Variants in CUX1 observed in about 807,000 individuals in gnomAD.
CUX1 encodes cut like homeobox 1, also known as protein CASP.
In CUX1, 31 loss-of-function variants were observed where a neutral mutation model predicts 158.8. That is an observed-to-expected ratio of 0.20 (90% CI 0.15 to 0.26). The LOEUF is 0.26. CUX1 is among the 10% of genes least tolerant of loss of function. The probability of loss-of-function intolerance (pLI) is 1.00; values close to 1 mark genes in which losing one functional copy is unlikely to be tolerated. For missense variants in CUX1, 1,589 were observed against 2,014.6 expected (o/e 0.79, Z 4.04); for synonymous variants, 879 against 862.1 (o/e 1.02, Z -0.34).
In CUX1 at chr7:102,115,269, G is replaced by A; in HGVS notation, c.670G>A (p.Ala224Thr). The A allele has an allele frequency of 6.2e-7, 1 of 1,609,084 alleles. No homozygotes were observed. The highest frequency in any genetic ancestry group is 8.5e-7 in the Non-Finnish European group (1 of 1,178,910). ...LKTKYDEETTAKADEIEMIMT... is the reference protein window; with the variant it reads ...LKTKYDEETTTKADEIEMIMT... ...AACCAAATACGATGAAGAAACTACT[G>A]CAAAGTAAGTCTCTCTGCTTGGCCT... The change falls in exon 8 of 24, where the codon GCA (alanine) becomes ACA (threonine). Residue 224 changes from alanine to threonine, a missense_variant. Physicochemically the swap from Ala to Thr is moderately conservative, Grantham distance 58. This residue lies in a region of CUX1 where 515 missense variants were observed against 574.4 expected (regional missense o/e 0.90). Coordinates refer to ENST00000292535, the MANE Select transcript of CUX1 (RefSeq NM_181552.4).
intron 1 of CUX1, among the ~76,000 whole-genome samples, chr7:101,850,421 C>CTTTTTTTTTT (rs545679696): frequency 1.9e-5 from 2 of 104,660 alleles, no homozygotes; most frequent in Non-Finnish European, 3.8e-5. Context: ...TTCTTTCTTT[C>CTTTTTTTTTT]TTTTTTTTTT....
intron 3 of CUX1, among the ~76,000 whole-genome samples, chr7:102,032,999 G>C (rs2129343377): frequency 6.6e-6 from 1 of 152,348 alleles, no homozygotes; most frequent in East Asian, 1.9e-4. Flanking sequence ...GAAGGGGCGT[G>C]TTATGGAAGG....
intron 1 of CUX1, among the ~76,000 whole-genome samples, chr7:101,855,725 A>G (rs1300294892): frequency 6.6e-6 from 1 of 151,930 alleles, no homozygotes; most frequent in Non-Finnish European, 1.5e-5. Flanking sequence ...TAAAAATACA[A>G]AAATTAGCTG....
rs762466277 is a variant in CUX1 at position 102,060,969 on chromosome 7, G to GT, written c.190-9370_190-9369insT. Among the ~76,000 whole-genome samples, 24 of 120,304 alleles carry GT rather than the reference G, an allele frequency of 2.0e-4. 2 individuals carry two copies. The South Asian group carries it at 6.4e-3, about 32-fold the overall frequency. 78.9% of individuals were successfully genotyped at this position (120,304 alleles called of 152,430 possible). ...TCTCACTGTGTCTCACTCTAGCCCAGGCTAGAGTGCAGTGGCATGATCTCA... is the reference window on the plus strand; with the variant it reads ...TCTCACTGTGTCTCACTCTAGCCCAGTGCTAGAGTGCAGTGGCATGATCTCA... On this transcript the variant is annotated intron_variant, in intron 3 of 23. Transcript: ENST00000292535.
At position 102,165,767 on chromosome 7, in the gene CUX1, G is replaced by A. The variant is rs145042405; in HGVS notation, c.724-4679G>A. On this transcript the variant is annotated intron_variant, in intron 9 of 23. Coordinates refer to ENST00000292535, the MANE Select transcript of CUX1 (RefSeq NM_181552.4). The stretch of plus-strand genomic sequence containing the variant: ...ACTTCTTCTAGGATGAGGTGACCTC[G>A]TGGACCCCTGGTTCCGGCTCTCCTT... Among the ~76,000 whole-genome samples the A allele has an allele frequency of 8.6e-4, 131 of 152,260 alleles. 1 individual carries two copies. In the Middle Eastern group the frequency reaches 0.02, roughly 24 times the overall value.
In CUX1 at chr7:102,254,770, G is replaced by C. The variant is rs536107022; in HGVS notation, c.*5728G>C. On this transcript the variant is annotated 3_prime_UTR_variant, in exon 24 of 24. Transcript: ENST00000292535. ...CCTGAGTGGCGAGGTGGTGACCTGA[G>C]GCCAGTGTGATGTGGTTGGATCTCA... is the stretch of plus-strand genomic sequence containing the variant. The C allele has an allele frequency of 3.0e-6, 3 of 985,382 alleles. No homozygotes were observed. The highest frequency in any genetic ancestry group is 3.5e-5 in the African/African-American group (2 of 57,244). 61.0% of individuals were successfully genotyped at this position (985,382 alleles called of 1,614,324 possible). A position where few individuals can be genotyped will look rare whatever the true frequency, so the allele number is the denominator to read the frequency against.
At chr7:101,886,925 G>C (rs954842582) in intron 1 of CUX1, among the ~76,000 whole-genome samples, 5 of 152,172 alleles carry the variant, frequency 3.3e-5, no homozygotes, top group African/African-American at 1.2e-4. Flanking sequence ...CCAGCAACAA[G>C]AGGAGCCCCC....
intron 1 of CUX1, among the ~76,000 whole-genome samples, chr7:101,877,449 G>C (rs1052637834): frequency 1.3e-5 from 2 of 152,220 alleles, no homozygotes; most frequent in Non-Finnish European, 2.9e-5. Context: ...CACTTTGGGA[G>C]GCCAAGGAAG....
chr7:101,981,491 G>A lies in CUX1; in HGVS notation c.142-46607G>A, dbSNP rs1813438315. Among the ~76,000 whole-genome samples the A allele has an allele frequency of 2.0e-5, 3 of 152,206 alleles. No homozygotes were observed. In the South Asian group the frequency reaches 6.2e-4, roughly 31 times the overall value. ...CACAGAGAGTGGCCAGCCATTCCCA[G>A]GCTGGCAATGTGAGTCTTAGCCACT... On this transcript the variant is annotated intron_variant, in intron 2 of 23. Coordinates refer to ENST00000292535, the MANE Select transcript of CUX1 (RefSeq NM_181552.4).
chr7:102,176,800 T>A (rs1422931185), intron 10 of CUX1, among the ~76,000 whole-genome samples: 1 of 151,912 alleles, frequency 6.6e-6, no homozygotes, highest in Non-Finnish European at 1.5e-5. Context: ...CTCGAACTCT[T>A]GAGCTCGGGT....
At chr7:102,072,730 C>G (rs1054745950) in intron 4 of CUX1, among the ~76,000 whole-genome samples, 1 of 152,124 alleles carries the variant, frequency 6.6e-6, no homozygotes, top group Non-Finnish European at 1.5e-5. Context: ...CCTGCAGACC[C>G]TATTTTCCTG....
chr7:102,131,391 C>T (rs1305824300), intron 8 of CUX1, among the ~76,000 whole-genome samples: 8 of 151,858 alleles, frequency 5.3e-5, no homozygotes, highest in Middle Eastern at 3.4e-3. Context: ...CAGTGGCTCA[C>T]GCCTCTAATC....
At chr7:101,993,448 G>A (rs1191103048) in intron 2 of CUX1, among the ~76,000 whole-genome samples, 3 of 152,176 alleles carry the variant, frequency 2.0e-5, no homozygotes, top group African/African-American at 4.8e-5. Context: ...TGCTCTGATG[G>A]GGGGTGGGAG....
intron 3 of CUX1, among the ~76,000 whole-genome samples, chr7:102,029,041 A>G (rs1271305578): frequency 7.4e-6 from 1 of 134,240 alleles, no homozygotes; most frequent in Non-Finnish European, 1.5e-5. Context: ...CACTCAGGCT[A>G]CAGTCCAGTG....
At chr7:102,223,900 C>T (rs889467069) in intron 20 of CUX1, among the ~76,000 whole-genome samples, 1 of 152,046 alleles carries the variant, frequency 6.6e-6, no homozygotes, top group Non-Finnish European at 1.5e-5. Flanking sequence ...ACCCGGGAGG[C>T]GGAAGTTGCA....
At chr7:101,879,530 G>T (rs1799497754) in intron 1 of CUX1, among the ~76,000 whole-genome samples, 1 of 152,206 alleles carries the variant, frequency 6.6e-6, no homozygotes, top group Admixed American at 6.5e-5. Context: ...CCTCTCTGTG[G>T]TTGAGGCTGG....
Position 102,250,456 on chromosome 7 carries a change from ACT to A in CUX1, c.*1423_*1424del, listed in dbSNP as rs1162020004. On this transcript the variant is annotated 3_prime_UTR_variant, in exon 24 of 24. Coordinates refer to ENST00000292535, the MANE Select transcript of CUX1 (RefSeq NM_181552.4). ...AGGCCTGGGCAGGGCTTACACGCGC[ACT>A]CTCTCTCTTCTTTCCCTTTTTCTTC... is the stretch of plus-strand genomic sequence containing the variant. The A allele has an allele frequency of 1.2e-5, 12 of 984,884 alleles. No homozygotes were observed. In the East Asian group the frequency reaches 5.7e-4, roughly 47 times the overall value. The allele number at this position is 984,884 out of a possible 1,614,324, so 61.0% of individuals were successfully genotyped here. A position where few individuals can be genotyped will look rare whatever the true frequency, so the allele number is the denominator to read the frequency against.
intron 8 of CUX1, among the ~76,000 whole-genome samples, chr7:102,119,277 G>T (rs1321797508): frequency 8.8e-6 from 1 of 113,488 alleles, no homozygotes; most frequent in Non-Finnish European, 1.8e-5. Flanking sequence ...ATGTCACAGG[G>T]TACCCATCCC....
intron 1 of CUX1, among the ~76,000 whole-genome samples, chr7:101,908,382 G>A (rs1027679341): frequency 2.6e-5 from 4 of 152,226 alleles, no homozygotes; most frequent in African/African-American, 9.6e-5. Context: ...CTGACCTCAG[G>A]TGATTTGCTC....
Sources: gnomAD v4.1 joint callset for allele counts (sites outside exome capture counted in the v4.1 genomes callset) on GRCh38, gnomAD v4.1.1 for gene constraint, gnomAD v4.1.1 regional missense constraint, MANE v1.5 for transcripts, NCBI Gene and HGNC (gene_info 2026-07-23, HGNC 2026-07-21) for gene names.